The following ARL6IP1 variants were observed in gnomAD, a reference collection of about 807,000 sequenced individuals.
The protein encoded by ARL6IP1 is ADP-ribosylation factor-like protein 6-interacting protein 1.
ARL6IP1 carries 16 observed loss-of-function variants against 30.1 expected under a neutral mutation model. The ratio of observed to expected loss-of-function variants is 0.53; its 90% confidence interval spans 0.36 to 0.81. The LOEUF is 0.81. ARL6IP1 is among the 30% of genes least tolerant of loss of function. The pLI, the probability that ARL6IP1 is intolerant of heterozygous loss-of-function variation, is 0.01. For synonymous variants in ARL6IP1, 72 were observed against 84.8 expected (o/e 0.85, Z 0.83); for missense variants, 173 against 242.7 (o/e 0.71, Z 1.91).
chr16:18,801,365 G>C (rs1359035488), intron 1 of ARL6IP1, 66 bp downstream of exon 1: 1 of 1,597,586 alleles, frequency 6.3e-7, no homozygotes, highest in Non-Finnish European at 8.5e-7. Flanking sequence ...CGAGGCCGCG[G>C]TGTTTGAGCC....
At chr16:18,800,851 G>A (rs958993406) in intron 1 of ARL6IP1, among the ~76,000 whole-genome samples, 1 of 146,640 alleles carries the variant, frequency 6.8e-6, no homozygotes, top group African/African-American at 2.5e-5. Context: ...CCCCACCCCC[G>A]CCAGACTTCC....
At chr16:18,794,823 A>C (rs939847848) in intron 4 of ARL6IP1, 140 bp from the exon 5 acceptor site, 6 of 560,718 alleles carry the variant, frequency 1.1e-5, no homozygotes, top group Non-Finnish European at 1.5e-5. Flanking sequence ...TTCTTTAAAA[A>C]TTCTTAGATT....
In ARL6IP1 at chr16:18,798,249, A is replaced by C. The variant is rs948489690; in HGVS notation, c.171-205T>G. 9 of 452,130 alleles carry C rather than the reference A, an allele frequency of 2.0e-5. No individual in the cohort carries two copies. In the Admixed American group the frequency reaches 2.5e-4, roughly 12 times the overall value. 28.0% of individuals were successfully genotyped at this position (452,130 alleles called of 1,614,324 possible). ...AGTGGTTAAGTATATATCAATGGAC[A>C]AAAGCTCTTTGGAGTTCTCAGCACT... On this transcript the variant is annotated intron_variant, in intron 2 of 5. Transcript: ENST00000304414.
At chr16:18,797,880 A>G in intron 3 of ARL6IP1, 45 bp downstream of exon 3, 2 of 1,595,144 alleles carry the variant, frequency 1.3e-6, no homozygotes, top group Non-Finnish European at 1.7e-6. Context: ...CACCAAGTTC[A>G]GTAACTACAC....
At chr16:18,798,929 A>C (rs1417219462) in intron 1 of ARL6IP1, 95 bp from the exon 2 acceptor site, 6 of 1,349,256 alleles carry the variant, frequency 4.4e-6, no homozygotes, top group Non-Finnish European at 4.9e-6. Flanking sequence ...AAATACAAAA[A>C]ATAACCTCTT....
Position 18,798,937 on chromosome 16 carries a change from CT to C in ARL6IP1, c.37-104del, listed in dbSNP as rs1473118278. 16 of 1,303,590 alleles carry C rather than the reference CT, an allele frequency of 1.2e-5. No homozygotes were observed. The African/African-American group carries it at 1.5e-4, about 12-fold the overall frequency. 80.8% of individuals were successfully genotyped at this position (1,303,590 alleles called of 1,614,324 possible). ...AAGCTCCAAATACAAAAAATAACCT[CT>C]TAACCAAATTGCCAATTTTAAACTA... On this transcript the variant is annotated intron_variant, in intron 1 of 5. Transcript: ENST00000304414.
At chr16:18,799,579 T>A (rs1389063365) in intron 1 of ARL6IP1, among the ~76,000 whole-genome samples, 1 of 152,250 alleles carries the variant, frequency 6.6e-6, no homozygotes, top group Non-Finnish European at 1.5e-5. Context: ...GTCATCTTAT[T>A]GATTTAAACC....
chr16:18,794,789 A>G, intron 4 of ARL6IP1, 106 bp from the exon 5 acceptor site: 1 of 754,180 alleles, frequency 1.3e-6, no homozygotes, highest in Non-Finnish European at 2.1e-6. Context: ...AGTTCGGGAA[A>G]TAATTTAGCT....
intron 5 of ARL6IP1, among the ~76,000 whole-genome samples, chr16:18,793,990 G>T (rs560587138): frequency 2.6e-5 from 4 of 151,864 alleles, no homozygotes; most frequent in Non-Finnish European, 4.4e-5. Context: ...GTGGTGGGTG[G>T]GGGGGGTGGT....
intron 3 of ARL6IP1, among the ~76,000 whole-genome samples, chr16:18,797,242 A>T (rs1338584704): frequency 6.6e-6 from 1 of 151,514 alleles, no homozygotes; most frequent in Non-Finnish European, 1.5e-5. Context: ...AAAATTAGCC[A>T]GGTGTGGTGG....
chr16:18,799,045 A>C (rs2030328020), intron 1 of ARL6IP1, among the ~76,000 whole-genome samples: 1 of 151,628 alleles, frequency 6.6e-6, no homozygotes, highest in Non-Finnish European at 1.5e-5. Flanking sequence ...TTTGAGACGG[A>C]GTCTCGCTCT....
rs548620388 is a variant in ARL6IP1, at chr16:18,801,232, G to A, written c.36+199C>T. On this transcript the variant is annotated intron_variant, in intron 1 of 5. Transcript: ENST00000304414. The stretch of plus-strand genomic sequence containing the variant: ...ATGAATCACGCGCCCTCCTCGCCCC[G>A]TCGCGCACCGTCCCCAGGAAAGGTA... The A allele has an allele frequency of 4.9e-6, 7 of 1,419,706 alleles. No individual in the cohort carries two copies. The African/African-American group carries it at 1.0e-4, about 21-fold the overall frequency. 87.9% of individuals were successfully genotyped at this position (1,419,706 alleles called of 1,614,324 possible). A position where few individuals can be genotyped will look rare whatever the true frequency, so the allele number is the denominator to read the frequency against.
Position 18,793,373 on chromosome 16 carries a change from T to A in ARL6IP1, c.494-3A>T. The A allele has an allele frequency of 6.4e-7, 1 of 1,551,180 alleles. No individual in the cohort carries two copies. Among genetic ancestry groups the A allele is most frequent in the Admixed American group, 2.0e-5 (1 of 51,050 alleles). On this transcript the variant is annotated splice_polypyrimidine_tract_variant and splice_region_variant and intron_variant, in intron 5 of 5. Transcript: ENST00000304414. ...AGGAAGCAATAGTAAGGAAGTCACT[T>A]AAAATAAAAAAAAACCCAACATTAA... is the stretch of plus-strand genomic sequence containing the variant.
At chr16:18,799,025 T>C (rs2030326809) in intron 1 of ARL6IP1, among the ~76,000 whole-genome samples, 191 bp from the exon 2 acceptor site, 1 of 151,844 alleles carries the variant, frequency 6.6e-6, no homozygotes, top group Non-Finnish European at 1.5e-5. Context: ...TTGTTTTTTG[T>C]GTTTTTTTTT....
chr16:18,799,484 TGGCA>T (rs1288891473), intron 1 of ARL6IP1, among the ~76,000 whole-genome samples: 1 of 152,254 alleles, frequency 6.6e-6, no homozygotes, highest in East Asian at 1.9e-4. Context: ...CGGGGAATCG[TGGCA>T]GTGCCCAGAG....
At chr16:18,801,219 C>A in intron 1 of ARL6IP1, 1 of 1,415,558 alleles carries the variant, frequency 7.1e-7, no homozygotes, top group South Asian at 1.5e-5. Context: ...GAATCACGCG[C>A]CCTCCTCGCC....
intron 2 of ARL6IP1, 134 bp downstream of exon 2, chr16:18,798,567 G>C (rs1596948419): frequency 2.0e-6 from 2 of 993,536 alleles, no homozygotes; most frequent in East Asian, 5.9e-5. Context: ...GTGCTTATGA[G>C]AAACATTCTT....
At chr16:18,799,009 GT>G (rs1214488492) in intron 1 of ARL6IP1, among the ~76,000 whole-genome samples, 175 bp from the exon 2 acceptor site, 3 of 151,778 alleles carry the variant, frequency 2.0e-5, no homozygotes, top group Non-Finnish European at 1.5e-5. Context: ...AATACAATGG[GT>G]TTTTTTGTTT....
At position 18,801,518 on chromosome 16, in the gene ARL6IP1, T is replaced by C. The variant is rs776314318; in HGVS notation, c.-52A>G. On this transcript the variant is annotated 5_prime_UTR_variant, in exon 1 of 6. Coordinates refer to ENST00000304414, the MANE Select transcript of ARL6IP1 (RefSeq NM_015161.3). ...CGCAGGCCACCTCCCCAACGAGTCC[T>C]CCAACCGAAACCCGCACACCAACCA... The C allele has an allele frequency of 1.0e-5, 16 of 1,598,636 alleles. No homozygotes were observed. The highest frequency in any genetic ancestry group is 2.3e-5 in the East Asian group (1 of 44,306).
Sources: gnomAD v4.1 joint callset for allele counts (sites outside exome capture counted in the v4.1 genomes callset) on GRCh38, gnomAD v4.1.1 for gene constraint, MANE v1.5 for transcripts, NCBI Gene and HGNC (gene_info 2026-07-23, HGNC 2026-07-21) for gene names.